Variants in RBFOX1 observed in about 807,000 individuals in gnomAD.
The protein encoded by RBFOX1 is RNA binding fox-1 homolog 1, also known as RNA binding protein fox-1 homolog 1.
Under a neutral mutation model 57.7 loss-of-function variants are expected in RBFOX1, and 8 were observed. The observed-to-expected ratio is 0.14, with a 90% CI of 0.08 to 0.25. The LOEUF (loss-of-function observed/expected upper bound fraction) is 0.25, where lower values mean the gene tolerates loss of function less well. RBFOX1 is among the 10% of genes least tolerant of loss of function. The probability of loss-of-function intolerance (pLI) is 1.00; values close to 1 mark genes in which losing one functional copy is unlikely to be tolerated. For missense variants in RBFOX1, 611 were observed against 548.5 expected, an observed-to-expected ratio of 1.11 and a Z score of -1.14; for synonymous variants, 326 against 222.4, an observed-to-expected ratio of 1.47 and a Z score of -4.15.
intron 4 of RBFOX1, among the ~76,000 whole-genome samples, chr16:7,102,568 C>T (rs564289302): frequency 2.0e-5 from 3 of 152,264 alleles, no homozygotes; most frequent in African/African-American, 7.2e-5. Flanking sequence ...GGATATGGAT[C>T]ATTTGCAATA....
intron 4 of RBFOX1, among the ~76,000 whole-genome samples, chr16:7,300,304 C>T (rs1047921058): frequency 1.3e-5 from 2 of 151,834 alleles, no homozygotes; most frequent in Non-Finnish European, 2.9e-5. Flanking sequence ...GGGGCTAGAA[C>T]AGTGCCTGGA....
chr16:6,574,719 G>C (rs1278198701), intron 2 of RBFOX1, among the ~76,000 whole-genome samples: 1 of 133,096 alleles, frequency 7.5e-6, no homozygotes. Flanking sequence ...TGACTACCGC[G>C]CCCGGCCCGT....
At chr16:5,351,210 G>T (rs2065255591) in intron 1 of RBFOX1, among the ~76,000 whole-genome samples, 1 of 152,182 alleles carries the variant, frequency 6.6e-6, no homozygotes, top group Non-Finnish European at 1.5e-5. Flanking sequence ...TCGACTATGT[G>T]CCAGACACTG....
intron 2 of RBFOX1, among the ~76,000 whole-genome samples, chr16:6,644,483 C>A (rs1043048978): frequency 1.3e-5 from 2 of 152,310 alleles, no homozygotes; most frequent in South Asian, 4.1e-4. Context: ...CCGATTTGGG[C>A]TTGTCAGATG....
chr16:6,588,442 C>G (rs1387281754), intron 2 of RBFOX1, among the ~76,000 whole-genome samples: 2 of 152,094 alleles, frequency 1.3e-5, no homozygotes, highest in Non-Finnish European at 2.9e-5. Flanking sequence ...CGTCTGAGGT[C>G]AGGAGTTCGG....
At chr16:6,756,871 A>G (rs1256379539) in intron 3 of RBFOX1, among the ~76,000 whole-genome samples, 16 of 152,038 alleles carry the variant, frequency 1.1e-4, no homozygotes, top group Admixed American at 3.3e-4. Flanking sequence ...GCTCCTTGGG[A>G]GGCTGAGGCA....
chr16:6,387,301 C>G (rs962838584), intron 2 of RBFOX1, among the ~76,000 whole-genome samples: 4 of 152,060 alleles, frequency 2.6e-5, no homozygotes, highest in African/African-American at 9.7e-5. Flanking sequence ...AGATGCATTT[C>G]TCCCCATTGC....
intron 4 of RBFOX1, among the ~76,000 whole-genome samples, chr16:7,110,980 G>GA (rs1332233441): frequency 6.6e-6 from 1 of 152,118 alleles, no homozygotes; most frequent in Non-Finnish European, 1.5e-5. Flanking sequence ...AGTATTTCTG[G>GA]AAAGAAGTCT....
chr16:5,958,802 C>A (rs944828898), intron 4 of RBFOX1, among the ~76,000 whole-genome samples: 7 of 152,204 alleles, frequency 4.6e-5, no homozygotes, highest in Admixed American at 3.9e-4. Flanking sequence ...CTGGTAGCCA[C>A]ATCACGCTAA....
intron 2 of RBFOX1, among the ~76,000 whole-genome samples, chr16:6,512,924 C>T (rs1427471217): frequency 6.6e-6 from 1 of 152,190 alleles, no homozygotes; most frequent in South Asian, 2.1e-4. Flanking sequence ...CATTGGCCTT[C>T]TATCTTTTGC....
chr16:5,377,150 A>G (rs2066006685), intron 1 of RBFOX1, among the ~76,000 whole-genome samples: 1 of 151,640 alleles, frequency 6.6e-6, no homozygotes, highest in Non-Finnish European at 1.5e-5. Flanking sequence ...CACCTGCTGT[A>G]TATCTGCCAG....
chr16:7,598,210 T>C (rs1008555516), intron 9 of RBFOX1, among the ~76,000 whole-genome samples: 2 of 152,280 alleles, frequency 1.3e-5, no homozygotes, highest in African/African-American at 4.8e-5. Context: ...ATGCAGTAAG[T>C]TAAAGTATAT....
chr16:7,678,391 C>T (rs1250482971), intron 14 of RBFOX1, among the ~76,000 whole-genome samples: 1 of 151,986 alleles, frequency 6.6e-6, no homozygotes, highest in Non-Finnish European at 1.5e-5. Flanking sequence ...AAGGAAAAGG[C>T]CTAATGTTAT....
At chr16:5,630,117 C>T (rs1386398613) in intron 3 of RBFOX1, among the ~76,000 whole-genome samples, 3 of 152,126 alleles carry the variant, frequency 2.0e-5, no homozygotes, top group South Asian at 2.1e-4. Flanking sequence ...GGCTCAGAGG[C>T]ACAGAGGTAT....
intron 14 of RBFOX1, among the ~76,000 whole-genome samples, chr16:7,690,283 C>G (rs568283332): frequency 6.6e-6 from 1 of 151,976 alleles, no homozygotes; most frequent in East Asian, 1.9e-4. Context: ...TTCACCTCAA[C>G]AAGTGATTTT....
At chr16:7,394,078 A>G (rs1267432547) in intron 4 of RBFOX1, among the ~76,000 whole-genome samples, 1 of 151,906 alleles carries the variant, frequency 6.6e-6, no homozygotes, top group African/African-American at 2.4e-5. Flanking sequence ...TCTACGAAAA[A>G]TACCAAAATT....
At chr16:6,639,943 CCTAA>C (rs779560732) in intron 2 of RBFOX1, among the ~76,000 whole-genome samples, 16 of 152,180 alleles carry the variant, frequency 1.1e-4, no homozygotes, top group Admixed American at 7.9e-4. Flanking sequence ...TATTTTGACC[CCTAA>C]CTATGTGTCA....
intron 1 of RBFOX1, among the ~76,000 whole-genome samples, chr16:6,162,383 G>A (rs185258163): frequency 6.6e-6 from 1 of 152,272 alleles, no homozygotes; most frequent in East Asian, 1.9e-4. Flanking sequence ...CCAAACTGCT[G>A]GGATTACTGT....
chr16:6,491,799 G>T (rs2095638457), intron 2 of RBFOX1, among the ~76,000 whole-genome samples: 1 of 152,148 alleles, frequency 6.6e-6, no homozygotes, highest in African/African-American at 2.4e-5. Context: ...AAGCTTTGAG[G>T]CTTCGAAGTC....
Sources: allele counts gnomAD v4.1 joint callset (sites outside exome capture counted in the v4.1 genomes callset), GRCh38; gene constraint gnomAD v4.1.1; transcripts MANE v1.5; gene names NCBI Gene and HGNC (gene_info 2026-07-23, HGNC 2026-07-21).